ETV1: variants seen among roughly 807,000 people sequenced by gnomAD.
The protein encoded by ETV1 is ETS translocation variant 1.
In ETV1, 27 loss-of-function variants were observed where a neutral mutation model predicts 62.3. That is an observed-to-expected ratio of 0.43 (90% CI 0.32 to 0.60). The LOEUF (loss-of-function observed/expected upper bound fraction) is 0.60, where lower values mean the gene tolerates loss of function less well. Ranked by LOEUF, ETV1 falls within the 20% of genes least tolerant of loss-of-function variation. ETV1 has a pLI of 0.06. For synonymous variants in ETV1, 222 were observed against 199.6 expected, an observed-to-expected ratio of 1.11 and a Z score of -0.94; for missense variants, 605 against 605.8, an observed-to-expected ratio of 1.00 and a Z score of 0.01.
Position 13,971,798 on chromosome 7 carries a change from G to A in ETV1, c.235+5629C>T, listed in dbSNP as rs371192244. Among the ~76,000 whole-genome samples the A allele has an allele frequency of 3.3e-5, 5 of 152,202 alleles. No individual in the cohort carries two copies. In the East Asian group the frequency reaches 7.7e-4, roughly 24 times the overall value. ...TTTGTTACGAAGAACAAAATGAAAG[G>A]TGGTAGATTTTCAAAGATGAATGAT... On this transcript the variant is annotated intron_variant, in intron 6 of 13. Transcript: ENST00000430479.
chr7:13,988,829 GA>G (rs1472149891), intron 3 of ETV1, 178 bp downstream of exon 3: 238 of 1,600,426 alleles, frequency 1.5e-4, no homozygotes, highest in South Asian at 1.1e-3. Flanking sequence ...CCAAATCACT[GA>G]AAGGTAAGCT....
intron 5 of ETV1, among the ~76,000 whole-genome samples, chr7:13,984,043 TATC>T (rs1045496689): frequency 1.3e-5 from 2 of 151,906 alleles, no homozygotes; most frequent in African/African-American, 4.8e-5. Flanking sequence ...CATGCTAAGA[TATC>T]ATTTCACAAA....
chr7:13,986,474 C>T (rs1420294994), intron 5 of ETV1, 164 bp downstream of exon 5: 3 of 1,505,634 alleles, frequency 2.0e-6, no homozygotes, highest in Admixed American at 2.8e-5. Context: ...CCCCAGAGTC[C>T]CCAAAGACAA....
intron 6 of ETV1, among the ~76,000 whole-genome samples, chr7:13,947,497 T>C (rs572151940): frequency 6.6e-6 from 1 of 151,724 alleles, no homozygotes; most frequent in South Asian, 2.1e-4. Context: ...GGAACATATA[T>C]AATAATTCCC....
Position 13,989,079 on chromosome 7 carries a change from C to A in ETV1, c.-27G>T, listed in dbSNP as rs1175308054. The A allele has an allele frequency of 1.3e-6, 2 of 1,540,990 alleles. No individual in the cohort carries two copies. The highest frequency in any genetic ancestry group is 1.2e-5 in the South Asian group (1 of 86,668). ...CTGCTGCTCTTCGCAAATCTCAGCT[C>A]AGTATTTTATATTTTGAGCATTTAG... On this transcript the variant is annotated 5_prime_UTR_variant, in exon 3 of 14. Coordinates refer to ENST00000430479, the MANE Select transcript of ETV1 (RefSeq NM_004956.5).
chr7:13,930,801 T>A lies in ETV1; in HGVS notation c.802+701A>T, dbSNP rs540331459. On this transcript the variant is annotated intron_variant, in intron 9 of 13. Transcript: ENST00000430479. ...AATCTTTGCCACCAATATATATTTTTTTTTTTTTGAGATTTTTGAGACGGA... is the reference window on the plus strand; with the variant it reads ...AATCTTTGCCACCAATATATATTTTATTTTTTTTGAGATTTTTGAGACGGA... 2.9e-3 allele frequency among the ~76,000 whole-genome samples: 443 copies of A among 150,564 alleles called. 6 individuals carry two copies. The East Asian group carries it at 0.036, about 12-fold the overall frequency.
chr7:13,986,733 T>G (rs755133764), intron 4 of ETV1, 48 bp from the exon 5 acceptor site: 2 of 1,259,304 alleles, frequency 1.6e-6, no homozygotes, highest in Non-Finnish European at 2.3e-6. Context: ...AAATCTTTAA[T>G]CTTCATTAAA....
intron 6 of ETV1, among the ~76,000 whole-genome samples, chr7:13,963,221 T>A (rs999239966): frequency 1.3e-5 from 2 of 152,082 alleles, no homozygotes; most frequent in African/African-American, 4.8e-5. Context: ...AGTATTGTAT[T>A]CATCTTTCAG....
At chr7:13,980,859 T>A (rs1781911806) in intron 5 of ETV1, among the ~76,000 whole-genome samples, 1 of 152,152 alleles carries the variant, frequency 6.6e-6, no homozygotes, top group Admixed American at 6.6e-5. Context: ...AATCATGACC[T>A]ATATGTCACA....
At chr7:13,954,679 T>C (rs148929846) in intron 6 of ETV1, among the ~76,000 whole-genome samples, 18 of 152,288 alleles carry the variant, frequency 1.2e-4, no homozygotes, top group Non-Finnish European at 2.4e-4. Flanking sequence ...TGGTCTTAAA[T>C]TGACTATTTT....
chr7:13,961,047 T>C (rs1011361739), intron 6 of ETV1, among the ~76,000 whole-genome samples: 2 of 150,198 alleles, frequency 1.3e-5, no homozygotes, highest in Non-Finnish European at 3.0e-5. Context: ...CTCAAGAGGC[T>C]GAGTTGGGAG....
chr7:13,990,139 C>G (rs942930827), upstream of ETV1, among the ~76,000 whole-genome samples: 3 of 152,150 alleles, frequency 2.0e-5, no homozygotes, highest in Non-Finnish European at 2.9e-5. Flanking sequence ...TGACTAGGAG[C>G]TCACCTCGCT....
intron 6 of ETV1, among the ~76,000 whole-genome samples, chr7:13,962,099 A>G (rs932447964): frequency 6.6e-6 from 1 of 151,974 alleles, no homozygotes; most frequent in African/African-American, 2.4e-5. Context: ...TTTTGTATAT[A>G]CAGAATAAAA....
intron 6 of ETV1, among the ~76,000 whole-genome samples, chr7:13,940,730 C>T (rs1005363722): frequency 5.9e-5 from 9 of 152,080 alleles, no homozygotes; most frequent in African/African-American, 1.4e-4. Context: ...ATCTTAATGA[C>T]GGCATTACAG....
intron 5 of ETV1, among the ~76,000 whole-genome samples, chr7:13,982,345 A>G (rs147536955): frequency 6.6e-6 from 1 of 152,200 alleles, no homozygotes; most frequent in Admixed American, 6.6e-5. Flanking sequence ...CACATTTCCT[A>G]TAACTGAAAT....
intron 6 of ETV1, among the ~76,000 whole-genome samples, chr7:13,968,219 C>G (rs1269051703): frequency 6.6e-6 from 1 of 151,630 alleles, no homozygotes; most frequent in Non-Finnish European, 1.5e-5. Flanking sequence ...TTTCAAAAGT[C>G]AATTTCTACA....
chr7:13,913,363 T>C (rs73274818), intron 9 of ETV1, among the ~76,000 whole-genome samples: 2,213 of 152,350 alleles, frequency 0.015, 52 homozygotes, highest in African/African-American at 0.049. Flanking sequence ...TGTCATCTGA[T>C]AGAACTGATT....
chr7:13,957,439 A>G (rs1583792832), intron 6 of ETV1, among the ~76,000 whole-genome samples: 1 of 152,202 alleles, frequency 6.6e-6, no homozygotes, highest in Admixed American at 6.5e-5. Flanking sequence ...ATGAACAGGT[A>G]TTACAATGTT....
chr7:13,961,075 G>A (rs1790108944), intron 6 of ETV1, among the ~76,000 whole-genome samples: 1 of 136,162 alleles, frequency 7.3e-6, no homozygotes, highest in Non-Finnish European at 1.7e-5. Flanking sequence ...GAGCGCGGGT[G>A]GTTGAGGCTG....
Sources: gnomAD v4.1 joint callset for allele counts (sites outside exome capture counted in the v4.1 genomes callset) on GRCh38, gnomAD v4.1.1 for gene constraint, MANE v1.5 for transcripts, NCBI Gene and HGNC (gene_info 2026-07-23, HGNC 2026-07-21) for gene names.